The following KIRREL3 variants were observed in gnomAD, a reference collection of about 807,000 sequenced individuals.
KIRREL3 encodes the protein kin of IRRE-like protein 3.
Under a neutral mutation model 89.7 loss-of-function variants are expected in KIRREL3, and 36 were observed. The observed-to-expected ratio is 0.40, with a 90% CI of 0.31 to 0.53. The LOEUF is 0.53. KIRREL3 is among the 20% of genes least tolerant of loss of function. The pLI, the probability that KIRREL3 is intolerant of heterozygous loss-of-function variation, is 0.49. For missense variants in KIRREL3, 864 were observed against 1,056.6 expected (o/e 0.82, Z 2.53); for synonymous variants, 445 against 441.4 (o/e 1.01, Z -0.10).
In KIRREL3 at chr11:126,564,426, G is replaced by A. The variant is rs955310480; in HGVS notation, c.56-1514C>T. Reference sequence around the variant, plus strand: ...ATGGCAGGAGGTGGCAGAACGCCACGGCCCAGGGAGGTCCCTGGCTTTGAT... The same window carrying A: ...ATGGCAGGAGGTGGCAGAACGCCACAGCCCAGGGAGGTCCCTGGCTTTGAT... On this transcript the variant is annotated intron_variant, in intron 1 of 16. Transcript: ENST00000525144. The surrounding 1 kb of genome is among the most constrained non-coding windows in gnomAD (Gnocchi z 7.4). 6.6e-5 allele frequency among the ~76,000 whole-genome samples: 10 copies of A among 152,232 alleles called. No homozygotes were observed. Among genetic ancestry groups the A allele is most frequent in the South Asian group, 4.2e-4 (2 of 4,816 alleles).
At chr11:126,974,075 A>G (rs1342346906) in intron 1 of KIRREL3, among the ~76,000 whole-genome samples, 1 of 152,124 alleles carries the variant, frequency 6.6e-6, no homozygotes, top group Non-Finnish European at 1.5e-5. Context: ...TACTCATTGC[A>G]CGTTAGGGGT....
chr11:126,670,105 C>T (rs1182084882), intron 1 of KIRREL3, among the ~76,000 whole-genome samples: 1 of 152,168 alleles, frequency 6.6e-6, no homozygotes, highest in Non-Finnish European at 1.5e-5. Flanking sequence ...TGCCACTGTT[C>T]CAGTCCAAGC....
At chr11:126,784,951 C>T (rs1950440341) in intron 1 of KIRREL3, among the ~76,000 whole-genome samples, 1 of 152,202 alleles carries the variant, frequency 6.6e-6, no homozygotes, top group Non-Finnish European at 1.5e-5. Flanking sequence ...TCAAGAAGCA[C>T]TTCCTTCCAA....
chr11:126,743,112 T>C (rs980551402), intron 1 of KIRREL3, among the ~76,000 whole-genome samples: 3 of 152,158 alleles, frequency 2.0e-5, no homozygotes, highest in African/African-American at 4.8e-5. Flanking sequence ...AATGTTAGTA[T>C]TGTATCTTAT....
rs1404177909 is a variant in KIRREL3, at chr11:126,525,188, C to T, written c.283+1350G>A. 1.3e-5 allele frequency among the ~76,000 whole-genome samples: 2 copies of T among 152,182 alleles called. No individual in the cohort carries two copies. The highest frequency in any genetic ancestry group is 2.4e-5 in the African/African-American group (1 of 41,446). On this transcript the variant is annotated intron_variant, in intron 3 of 16. Coordinates refer to ENST00000525144, the MANE Select transcript of KIRREL3 (RefSeq NM_032531.4). This position sits in a 1 kb window ranked among gnomAD's most constrained non-coding sequence, Gnocchi z 5.4. Reference sequence around the variant, plus strand: ...CCTTTTGGCCACTGACCCAGCAAGACCCCAGTCCCTGACGGAAGTTGGAAA... The same window carrying T: ...CCTTTTGGCCACTGACCCAGCAAGATCCCAGTCCCTGACGGAAGTTGGAAA...
At chr11:126,583,554 A>G (rs1302479697) in intron 1 of KIRREL3, among the ~76,000 whole-genome samples, 1 of 152,212 alleles carries the variant, frequency 6.6e-6, no homozygotes, top group Non-Finnish European at 1.5e-5. Context: ...GGAGGACGGG[A>G]TGCGCTGTGG....
intron 5 of KIRREL3, among the ~76,000 whole-genome samples, chr11:126,472,856 C>T (rs1956937248): frequency 6.6e-6 from 1 of 151,366 alleles, no homozygotes; most frequent in South Asian, 2.1e-4. Context: ...GTGAGAGAAA[C>T]CAAAAGGGGC....
chr11:126,910,843 A>G (rs11601157), intron 1 of KIRREL3, among the ~76,000 whole-genome samples: 18,489 of 152,252 alleles, frequency 0.12, 1,452 homozygotes, highest in East Asian at 0.4. Context: ...GATGGCAGGG[A>G]CTGCCAGGTA....
rs1321889518 is a variant in KIRREL3 at position 126,645,956 on chromosome 11, A to G, written c.56-83044T>C. 6.6e-6 allele frequency among the ~76,000 whole-genome samples: 1 copy of G among 152,218 alleles called. No individual in the cohort carries two copies. The highest frequency in any genetic ancestry group is 1.5e-5 in the Non-Finnish European group (1 of 68,042). On this transcript the variant is annotated intron_variant, in intron 1 of 16. Transcript: ENST00000525144. This position sits in a 1 kb window ranked among gnomAD's most constrained non-coding sequence, Gnocchi z 4.9. ...ACAGTAAATTTTTTGTTGATACTCA[A>G]ATACATAGGCGGCACTCGGAATGAT...
At chr11:126,456,154 C>T (rs1048633848) in intron 7 of KIRREL3, among the ~76,000 whole-genome samples, 195 bp downstream of exon 7, 15 of 146,446 alleles carry the variant, frequency 1.0e-4, no homozygotes, top group African/African-American at 3.6e-4. Flanking sequence ...GGCGCGTGCA[C>T]GCACAGAGGA....
intron 1 of KIRREL3, among the ~76,000 whole-genome samples, chr11:126,967,285 G>A (rs990725559): frequency 2.0e-5 from 3 of 151,954 alleles, no homozygotes; most frequent in Non-Finnish European, 4.4e-5. Context: ...CACCATGCCC[G>A]CACATCCCTC....
chr11:126,462,388 G>A lies in KIRREL3; in HGVS notation c.742+769C>T, dbSNP rs73630437. Among the ~76,000 whole-genome samples, 13,906 of 152,230 alleles carry A rather than the reference G, an allele frequency of 0.091. 2,162 individuals carry two copies. The highest frequency in any genetic ancestry group is 0.32 in the African/African-American group (13,108 of 41,482). On this transcript the variant is annotated intron_variant, in intron 6 of 16. Coordinates refer to ENST00000525144, the MANE Select transcript of KIRREL3 (RefSeq NM_032531.4). The surrounding 1 kb of genome is among the most constrained non-coding windows in gnomAD (Gnocchi z 4.8). ...TTGTTGTAAAGATTAAATAAGGCCA[G>A]GCGAAGTGGCTCACATCTGTAATCC... is the stretch of plus-strand genomic sequence containing the variant.
intron 1 of KIRREL3, among the ~76,000 whole-genome samples, chr11:126,928,795 G>A (rs775333972): frequency 3.9e-5 from 6 of 152,166 alleles, no homozygotes; most frequent in East Asian, 1.9e-4. Flanking sequence ...AAGAGGTCAC[G>A]AAGGAGAGGG....
chr11:126,878,337 C>T (rs1021607190), intron 1 of KIRREL3, among the ~76,000 whole-genome samples: 2 of 152,090 alleles, frequency 1.3e-5, no homozygotes, highest in African/African-American at 4.8e-5. Context: ...TCACCACCTC[C>T]CACCCCCATT....
chr11:126,433,599 C>T (rs909828589), intron 13 of KIRREL3, among the ~76,000 whole-genome samples: 13 of 152,108 alleles, frequency 8.5e-5, no homozygotes, highest in African/African-American at 2.4e-4. Context: ...GGGATTGAAA[C>T]GGGAGGTGCT....
chr11:127,000,479 C>A lies in KIRREL3; in HGVS notation c.31G>T (p.Val11Phe). 2 of 1,608,318 alleles carry A rather than the reference C, an allele frequency of 1.2e-6. No individual in the cohort carries two copies. The highest frequency in any genetic ancestry group is 1.1e-5 in the South Asian group (1 of 89,542). The change falls in exon 1 of 17, where the codon GTC becomes TTC. Residue 11 changes from valine to phenylalanine, a missense_variant. Val to Phe is a conservative substitution (Grantham distance 50, BLOSUM62 -1). Transcript: ENST00000525144. The surrounding 1 kb of genome is among the most constrained non-coding windows in gnomAD (Gnocchi z 7.1). Reference sequence around the variant, plus strand: ...CCTTGACTGAAGAGGAAGAAGCAGACGAAGAGCAGATCGAGCTGGAAGGGT... The same window carrying A: ...CCTTGACTGAAGAGGAAGAAGCAGAAGAAGAGCAGATCGAGCTGGAAGGGT... Reference protein sequence around the residue: MKPFQLDLLFVCFFLFSQELG... With the variant: MKPFQLDLLFFCFFLFSQELG...
intron 1 of KIRREL3, among the ~76,000 whole-genome samples, chr11:126,779,197 G>GTCTGGACT (rs1363955830): frequency 1.3e-5 from 2 of 152,314 alleles, no homozygotes; most frequent in East Asian, 3.9e-4. Flanking sequence ...ATACATGGAA[G>GTCTGGACT]TCTGGACTCC....
intron 13 of KIRREL3, among the ~76,000 whole-genome samples, chr11:126,433,019 C>T (rs1005477796): frequency 6.6e-6 from 1 of 152,220 alleles, no homozygotes; most frequent in African/African-American, 2.4e-5. Context: ...GCTGGGATTA[C>T]AGGCACATGC....
rs1017201402 is a variant in KIRREL3, at chr11:126,763,188, A to C, written c.56-200276T>G. On this transcript the variant is annotated intron_variant, in intron 1 of 16. Transcript: ENST00000525144. The surrounding 1 kb of genome is among the most constrained non-coding windows in gnomAD (Gnocchi z 4.7). The stretch of plus-strand genomic sequence containing the variant: ...GTTGTCAGCAAGCTGTGTGATCTTG[A>C]ACAACTCCTCTTCTCCCTGAGCAAA... Among the ~76,000 whole-genome samples, 1 of 152,180 alleles carries C rather than the reference A, an allele frequency of 6.6e-6. No homozygotes were observed. Among genetic ancestry groups the C allele is most frequent in the African/African-American group, 2.4e-5 (1 of 41,438 alleles).
Sources: gnomAD v4.1 joint callset for allele counts (sites outside exome capture counted in the v4.1 genomes callset) on GRCh38, gnomAD v4.1.1 for gene constraint, Gnocchi (gnomAD v3.1) non-coding constraint, MANE v1.5 for transcripts, NCBI Gene and HGNC (gene_info 2026-07-23, HGNC 2026-07-21) for gene names.